RALGAPA2: variants seen among roughly 807,000 people sequenced by gnomAD.
RALGAPA2 encodes the protein Ral GTPase activating protein catalytic subunit alpha 2, also known as ral GTPase-activating protein subunit alpha-2.
Under a neutral mutation model 230.4 loss-of-function variants are expected in RALGAPA2, and 139 were observed. The ratio of observed to expected loss-of-function variants is 0.60; its 90% CI spans 0.53 to 0.69. The LOEUF is 0.69. RALGAPA2 is among the 30% of genes least tolerant of loss of function. The pLI is 0.00. For synonymous variants in RALGAPA2, 847 were observed against 837.8 expected, an observed-to-expected ratio of 1.01 and a Z score of -0.19; for missense variants, 2,163 against 2,276.0, an observed-to-expected ratio of 0.95 and a Z score of 1.01.
chr20:20,435,813 AG>A (rs1163476807), intron 37 of RALGAPA2, among the ~76,000 whole-genome samples: 2 of 152,244 alleles, frequency 1.3e-5, no homozygotes, highest in African/African-American at 2.4e-5. Flanking sequence ...TGCCACAGGC[AG>A]GAACTGCACT....
chr20:20,651,925 C>T (rs1272025214), intron 4 of RALGAPA2, among the ~76,000 whole-genome samples: 1 of 152,146 alleles, frequency 6.6e-6, no homozygotes, highest in Admixed American at 6.5e-5. Context: ...TTATACCTTA[C>T]ATTTAAATTT....
At chr20:20,691,093 A>G (rs748859080) in intron 1 of RALGAPA2, among the ~76,000 whole-genome samples, 1 of 151,900 alleles carries the variant, frequency 6.6e-6, no homozygotes, top group Non-Finnish European at 1.5e-5. Context: ...GTTACTTACA[A>G]TCTTCCCACC....
chr20:20,633,965 T>G (rs1320889900), intron 9 of RALGAPA2, among the ~76,000 whole-genome samples: 1 of 152,190 alleles, frequency 6.6e-6, no homozygotes, highest in Non-Finnish European at 1.5e-5. Flanking sequence ...AGAAAGAGAT[T>G]GCAGGATTGC....
chr20:20,611,212 T>C (rs549363035), intron 14 of RALGAPA2, 103 bp downstream of exon 14: 110 of 1,377,084 alleles, frequency 8.0e-5, no homozygotes, highest in Non-Finnish European at 1.0e-4. Flanking sequence ...TTCTAGAAAT[T>C]TAAATTTAAT....
chr20:20,555,372 G>A (rs1217887300), intron 23 of RALGAPA2, among the ~76,000 whole-genome samples: 1 of 152,044 alleles, frequency 6.6e-6, no homozygotes, highest in Non-Finnish European at 1.5e-5. Flanking sequence ...CTCTAATTTT[G>A]TTCCTTTTCT....
At chr20:20,651,271 T>C (rs2067386426) in intron 4 of RALGAPA2, among the ~76,000 whole-genome samples, 1 of 152,190 alleles carries the variant, frequency 6.6e-6, no homozygotes, top group Admixed American at 6.5e-5. Flanking sequence ...TCAACACCAA[T>C]TTCCACCCAA....
intron 34 of RALGAPA2, 101 bp downstream of exon 34, chr20:20,505,310 T>C (rs1023067799): frequency 2.0e-5 from 26 of 1,298,808 alleles, no homozygotes; most frequent in African/African-American, 4.6e-5. Context: ...CTATGCTATA[T>C]TTGAATGCAA....
At chr20:20,677,921 C>G (rs2068392222) in intron 2 of RALGAPA2, among the ~76,000 whole-genome samples, 1 of 151,966 alleles carries the variant, frequency 6.6e-6, no homozygotes, top group Non-Finnish European at 1.5e-5. Context: ...GCTGGGATTA[C>G]AGGTGTGAGC....
chr20:20,588,085 T>TA, intron 18 of RALGAPA2, among the ~76,000 whole-genome samples: 1 of 152,320 alleles, frequency 6.6e-6, no homozygotes, highest in Admixed American at 6.5e-5. Context: ...GTAAAGAAAT[T>TA]ATTTTATTCT....
At position 20,531,692 on chromosome 20, in the gene RALGAPA2, G is replaced by A; in HGVS notation, c.3577C>T (p.Leu1193=). The change falls in exon 27 of 40, where the codon CTG becomes TTG. Residue 1193 remains leucine (L), a synonymous_variant. Transcript: ENST00000202677. ...KEAINVIGVT[L]KFPNKIVAQV... The stretch of plus-strand genomic sequence containing the variant: ...GCACCACAAACTGGTAATACCTTCA[G>A]AGTTACTCCTATCACATTGATGGCC... 6.3e-7 allele frequency: 1 copy of A among 1,599,298 alleles called. No homozygotes were observed. Among genetic ancestry groups the A allele is most frequent in the Non-Finnish European group, 8.5e-7 (1 of 1,171,050 alleles).
intron 4 of RALGAPA2, among the ~76,000 whole-genome samples, chr20:20,650,974 G>A (rs1208101906): frequency 6.6e-6 from 1 of 152,200 alleles, no homozygotes; most frequent in East Asian, 1.9e-4. Context: ...AACCTAATCT[G>A]AATTCATATG....
intron 38 of RALGAPA2, among the ~76,000 whole-genome samples, chr20:20,407,436 G>A (rs115237401): frequency 1.5e-3 from 228 of 152,298 alleles, no homozygotes; most frequent in African/African-American, 5.1e-3. Context: ...CCAGTGAAAC[G>A]GCCAAGGAAG....
intron 35 of RALGAPA2, among the ~76,000 whole-genome samples, chr20:20,498,886 C>T (rs942462258): frequency 2.0e-5 from 3 of 152,198 alleles, no homozygotes; most frequent in Non-Finnish European, 4.4e-5. Flanking sequence ...ACAGCTCTGT[C>T]CCCACTCTGC....
At position 20,513,160 on chromosome 20, in the gene RALGAPA2, G is replaced by A. The variant is rs767212191; in HGVS notation, c.4209C>T (p.Ser1403=). The A allele has an allele frequency of 7.1e-6, 11 of 1,553,170 alleles. No individual in the cohort carries two copies. Among genetic ancestry groups the A allele is most frequent in the Admixed American group, 2.0e-5 (1 of 50,538 alleles). ...GGPAILHSLV[S]ENHDNAHVEG... ...CCACATGGGCATTGTCATGGTTCTC[G>A]CTGACAAGGCTGTGCAGTATGGCAG... The change falls in exon 32 of 40, where the codon AGC becomes AGT. Residue 1403 remains serine (S), a synonymous_variant. Transcript: ENST00000202677.
At chr20:20,552,359 A>G (rs2063950344) in intron 23 of RALGAPA2, among the ~76,000 whole-genome samples, 1 of 152,164 alleles carries the variant, frequency 6.6e-6, no homozygotes, top group African/African-American at 2.4e-5. Flanking sequence ...AATCATCAAG[A>G]AATAAAATCT....
intron 23 of RALGAPA2, among the ~76,000 whole-genome samples, chr20:20,558,424 C>G (rs2064154763): frequency 6.6e-6 from 1 of 152,204 alleles, no homozygotes; most frequent in Admixed American, 6.5e-5. Flanking sequence ...ACTATACTTT[C>G]AAGTGAAGTC....
chr20:20,535,662 G>A (rs2063477385), intron 26 of RALGAPA2, 83 bp downstream of exon 26: 2 of 1,482,216 alleles, frequency 1.3e-6, no homozygotes, highest in Non-Finnish European at 1.8e-6. Context: ...AAGAATAAGT[G>A]TTTTCTTTTG....
chr20:20,707,255 A>G (rs1034749663), intron 1 of RALGAPA2, among the ~76,000 whole-genome samples: 1 of 152,238 alleles, frequency 6.6e-6, no homozygotes, highest in Non-Finnish European at 1.5e-5. Context: ...GGGCCAATGG[A>G]GCAACACTTA....
At chr20:20,542,376 C>G (rs2063669184) in intron 24 of RALGAPA2, among the ~76,000 whole-genome samples, 1 of 152,186 alleles carries the variant, frequency 6.6e-6, no homozygotes, top group Non-Finnish European at 1.5e-5. Flanking sequence ...GTCAAGCTAC[C>G]ATTGACTTTC....
Sources: allele counts gnomAD v4.1 joint callset (sites outside exome capture counted in the v4.1 genomes callset), GRCh38; gene constraint gnomAD v4.1.1; transcripts MANE v1.5; gene names NCBI Gene and HGNC (gene_info 2026-07-23, HGNC 2026-07-21).